The following DMD variants were observed in gnomAD, a reference collection of about 807,000 sequenced individuals.
The protein encoded by DMD is mutant dystrophin.
DMD carries 63 observed loss-of-function variants against 330.1 expected under a neutral mutation model. That is an observed-to-expected ratio of 0.19 (90% CI 0.16 to 0.24). The LOEUF (loss-of-function observed/expected upper bound fraction) is 0.24, where lower values mean the gene tolerates loss of function less well. Among genes scored for constraint, DMD ranks in the 10% least tolerant of loss-of-function variants. DMD has a pLI of 1.00. For synonymous variants in DMD, 1,223 were observed against 959.8 expected, an observed-to-expected ratio of 1.27 and a Z score of -5.07; for missense variants, 3,344 against 2,684.1, an observed-to-expected ratio of 1.25 and a Z score of -5.43.
intron 29 of DMD, among the ~76,000 whole-genome samples, chrX:32,428,508 G>A (rs190291137): frequency 1.5e-4 from 17 of 111,882 alleles, no homozygotes; most frequent in South Asian, 1.5e-3. Context: ...GAAAGAAAGA[G>A]GCATTATGAA....
chrX:32,614,248 A>AC, intron 12 of DMD, 55 bp downstream of exon 12: 33 of 1,073,944 alleles, frequency 3.1e-5, no homozygotes, highest in Non-Finnish European at 4.1e-5. Flanking sequence ...GTGTATAGGT[A>AC]CTATACACAG....
chrX:31,189,379 C>T (rs957640036), intron 67 of DMD, among the ~76,000 whole-genome samples: 1 of 111,193 alleles, frequency 9.0e-6, no homozygotes, highest in African/African-American at 3.3e-5. Flanking sequence ...GCAAAATCCA[C>T]GCATACGCAA....
intron 9 of DMD, among the ~76,000 whole-genome samples, chrX:32,652,921 A>G (rs1401253857): frequency 1.8e-5 from 2 of 112,064 alleles, no homozygotes; most frequent in Non-Finnish European, 3.8e-5. Flanking sequence ...AGTGATGATG[A>G]GCATTTTTTT....
chrX:32,740,014 C>G (rs192284184), intron 7 of DMD, among the ~76,000 whole-genome samples: 2 of 109,873 alleles, frequency 1.8e-5, no homozygotes, highest in East Asian at 2.9e-4. Context: ...CTGATAGTAT[C>G]TTTTACTCTG....
intron 50 of DMD, among the ~76,000 whole-genome samples, chrX:31,813,565 C>T (rs1362522460): frequency 8.9e-6 from 1 of 112,297 alleles, no homozygotes; most frequent in Non-Finnish European, 1.9e-5. Flanking sequence ...TGAGGCCTCT[C>T]CAGCCATGTG....
chrX:32,348,530 TAA>T lies in DMD; in HGVS notation c.5326-4_5326-3del. 1.7e-6 allele frequency: 2 copies of T among 1,178,831 alleles called. No homozygotes were observed. Among genetic ancestry groups the T allele is most frequent in the Admixed American group, 2.3e-5 (1 of 43,664 alleles). ...CAATTCCTTCAAAGGAATGGAGGCC[TAA>T]AAAAAAAGATAGTGCTACTTTAAAT... On this transcript the variant is annotated splice_region_variant and splice_polypyrimidine_tract_variant and intron_variant, in intron 37 of 78. Transcript: ENST00000357033.
At chrX:32,723,778 G>C (rs184478072) in intron 7 of DMD, among the ~76,000 whole-genome samples, 1 of 110,292 alleles carries the variant, frequency 9.1e-6, no homozygotes, top group Admixed American at 9.7e-5. Flanking sequence ...CCTTAAATCA[G>C]GGGTATGTAA....
At chrX:32,031,748 T>G (rs2095885362) in intron 44 of DMD, among the ~76,000 whole-genome samples, 1 of 111,884 alleles carries the variant, frequency 8.9e-6, no homozygotes, top group African/African-American at 3.2e-5. Flanking sequence ...CTCAGGACAA[T>G]ATGCCATTAA....
rs201969928 is a variant in DMD at position 33,145,898 on chromosome X, A to AT, written c.31+65383dup. Among the ~76,000 whole-genome samples the AT allele has an allele frequency of 2.7e-3, 288 of 108,659 alleles. 1 individual carries two copies. The highest frequency in any genetic ancestry group is 9.2e-3 in the African/African-American group (275 of 30,038). The allele number at this position is 108,659 out of a possible 115,157, so 94.4% of individuals were successfully genotyped here. On this transcript the variant is annotated intron_variant, in intron 1 of 78. Transcript: ENST00000357033. Reference sequence around the variant, plus strand: ...ACTTTCTTTTTTCCTTTATTTATTTATTTTTTTGAGACAGAGTCTCGCTCT... The same window carrying AT: ...ACTTTCTTTTTTCCTTTATTTATTTATTTTTTTTGAGACAGAGTCTCGCTCT...
chrX:31,153,132 G>T (rs2037652670), intron 74 of DMD, among the ~76,000 whole-genome samples: 1 of 111,696 alleles, frequency 9.0e-6, no homozygotes, highest in South Asian at 3.8e-4. Context: ...GTGATACAGA[G>T]ATATCACTCA....
chrX:32,558,507 T>G (rs1284913536), intron 16 of DMD, among the ~76,000 whole-genome samples: 1 of 111,779 alleles, frequency 8.9e-6, no homozygotes, highest in African/African-American at 3.3e-5. Flanking sequence ...ACATACTCAG[T>G]GAATACAGTG....
chrX:31,229,401 G>A (rs763095572), intron 63 of DMD, among the ~76,000 whole-genome samples: 1 of 111,748 alleles, frequency 8.9e-6, no homozygotes, highest in East Asian at 2.8e-4. Context: ...TCTTTCCAAT[G>A]GCTTATGGAG....
chrX:33,275,515 T>C (rs1393496051), intron 1 of DMD, among the ~76,000 whole-genome samples: 1 of 112,217 alleles, frequency 8.9e-6, no homozygotes, highest in Non-Finnish European at 1.9e-5. Context: ...CATGTATCAC[T>C]AAAAATCATT....
At chrX:32,542,528 G>A (rs1428763479) in intron 17 of DMD, among the ~76,000 whole-genome samples, 3 of 111,948 alleles carry the variant, frequency 2.7e-5, no homozygotes, top group Admixed American at 9.5e-5. Context: ...AAAGAGTCGT[G>A]GGTGACAACT....
chrX:31,557,833 G>T (rs1449635749), intron 55 of DMD, among the ~76,000 whole-genome samples: 1 of 110,162 alleles, frequency 9.1e-6, no homozygotes, highest in African/African-American at 3.3e-5. Context: ...CGGCATAGAC[G>T]TGATACTCAC....
chrX:32,633,930 A>G (rs188573191), intron 11 of DMD, among the ~76,000 whole-genome samples: 2 of 111,681 alleles, frequency 1.8e-5, no homozygotes, highest in Non-Finnish European at 3.8e-5. Context: ...AGCTCCCACT[A>G]GGCCCTACCT....
At chrX:32,599,439 A>T (rs1348957654) in intron 12 of DMD, among the ~76,000 whole-genome samples, 5 of 111,949 alleles carry the variant, frequency 4.5e-5, no homozygotes, top group Admixed American at 9.5e-5. Context: ...GAGTATTTAA[A>T]AAAAATAATA....
chrX:32,214,726 A>C (rs1227313495), intron 44 of DMD, among the ~76,000 whole-genome samples: 1 of 112,004 alleles, frequency 8.9e-6, no homozygotes, highest in East Asian at 2.8e-4. Flanking sequence ...TCAAAAGATC[A>C]AATTGTTTCC....
chrX:31,483,333 A>T (rs999390024), intron 57 of DMD, among the ~76,000 whole-genome samples: 54 of 111,758 alleles, frequency 4.8e-4, no homozygotes, highest in Admixed American at 1.0e-3. Flanking sequence ...GGCGTGAGCC[A>T]CCACGCCCGG....
Sources: gnomAD v4.1 joint callset for allele counts (sites outside exome capture counted in the v4.1 genomes callset) on GRCh38, gnomAD v4.1.1 for gene constraint, MANE v1.5 for transcripts, NCBI Gene and HGNC (gene_info 2026-07-23, HGNC 2026-07-21) for gene names.